Variants in USP34 observed in about 807,000 individuals in gnomAD.
USP34 encodes the protein ubiquitin specific peptidase 34, also known as ubiquitin carboxyl-terminal hydrolase 34.
Under a neutral mutation model 460.3 loss-of-function variants are expected in USP34, and 70 were observed. The ratio of observed to expected loss-of-function variants is 0.15; its 90% CI spans 0.13 to 0.19. USP34 has a LOEUF of 0.19. USP34 is among the 10% of genes least tolerant of loss of function. The pLI is 1.00. For synonymous variants in USP34, 1,647 were observed against 1,405.3 expected (o/e 1.17, Z -3.85); for missense variants, 3,985 against 4,236.2 (o/e 0.94, Z 1.65).
intron 8 of USP34, 58 bp downstream of exon 8, chr2:61,378,305 T>C (rs1692855228): frequency 9.5e-6 from 12 of 1,268,254 alleles, no homozygotes; most frequent in Non-Finnish European, 1.3e-5. Context: ...GAATTTACCA[T>C]ATAAACAACT....
intron 1 of USP34, among the ~76,000 whole-genome samples, chr2:61,421,931 T>C (rs1429711753): frequency 6.6e-6 from 1 of 152,142 alleles, no homozygotes; most frequent in Non-Finnish European, 1.5e-5. Context: ...CTGGTAATAC[T>C]GATTAACCAA....
intron 67 of USP34, among the ~76,000 whole-genome samples, chr2:61,218,135 C>T (rs1374795161): frequency 6.0e-5 from 9 of 150,950 alleles, no homozygotes; most frequent in Non-Finnish European, 1.3e-4. Flanking sequence ...TAATAGCTGG[C>T]TGAAAAACCT....
Position 61,265,470 on chromosome 2 carries a change from G to T in USP34, c.5705C>A (p.Thr1902Asn). 6.2e-7 allele frequency: 1 copy of T among 1,613,636 alleles called. No homozygotes were observed. Among genetic ancestry groups the T allele is most frequent in the Non-Finnish European group, 8.5e-7 (1 of 1,179,858 alleles). Residue 1902 changes from threonine to asparagine, a missense_variant, in exon 43 of 80, where the codon ACT becomes AAT. By Grantham distance (65) the Thr-to-Asn change is moderately conservative. This residue lies in a region of USP34 where 145 missense variants were observed against 291.6 expected (regional missense o/e 0.50). Transcript: ENST00000398571. ...CTGAATAGTAGAAGCTAAGTAACAA[G>T]TAGCTCCAAGGTTAGTAAGGCCAAC... ...RFVGLTNLGA[T>N]CYLASTIQQL...
At position 61,329,157 on chromosome 2, in the gene USP34, G is replaced by C. The variant is rs141124140; in HGVS notation, c.2930+2119C>G. On this transcript the variant is annotated intron_variant, in intron 20 of 79. Transcript: ENST00000398571. ...CTGCCTCAGCCGCCTGAGTAGCTGAGATTACAGGCATGCGCCACCACGCCT... is the reference window on the plus strand; with the variant it reads ...CTGCCTCAGCCGCCTGAGTAGCTGACATTACAGGCATGCGCCACCACGCCT... Among the ~76,000 whole-genome samples, 11 of 151,976 alleles carry C rather than the reference G, an allele frequency of 7.2e-5. No individual in the cohort carries two copies. The East Asian group carries it at 1.7e-3, about 24-fold the overall frequency.
chr2:61,244,167 T>C (rs1688357488), intron 51 of USP34, among the ~76,000 whole-genome samples: 1 of 152,178 alleles, frequency 6.6e-6, no homozygotes, highest in South Asian at 2.1e-4. Flanking sequence ...AAAAAACAAC[T>C]TTATTTGGGC....
chr2:61,426,386 C>T (rs997804149), intron 1 of USP34, among the ~76,000 whole-genome samples: 35 of 152,062 alleles, frequency 2.3e-4, no homozygotes, highest in African/African-American at 8.5e-4. Flanking sequence ...GGGTGAGTCC[C>T]AGGTAACAGA....
At chr2:61,343,618 G>T (rs1042669650) in intron 16 of USP34, among the ~76,000 whole-genome samples, 197 bp downstream of exon 16, 6 of 151,548 alleles carry the variant, frequency 4.0e-5, no homozygotes, top group African/African-American at 1.5e-4. Flanking sequence ...AGAACTGCAG[G>T]ACTTATTTAT....
chr2:61,451,220 CAAAAA>C (rs70963432), intron 1 of USP34, among the ~76,000 whole-genome samples: 55 of 50,800 alleles, frequency 1.1e-3, no homozygotes, highest in Non-Finnish European at 1.4e-3. Context: ...GGCTTCATCT[CAAAAA>C]AAAAAAAAAA....
chr2:61,210,723 T>G (rs1687251232), intron 69 of USP34, among the ~76,000 whole-genome samples: 1 of 152,166 alleles, frequency 6.6e-6, no homozygotes, highest in Non-Finnish European at 1.5e-5. Context: ...CCAAATCTTT[T>G]TTTTCTTTTT....
In USP34 at chr2:61,221,529, T is replaced by A. The variant is rs561810248; in HGVS notation, c.7872A>T (p.Ala2624=). The A allele has an allele frequency of 6.2e-7, 1 of 1,614,016 alleles. No individual in the cohort carries two copies. Among genetic ancestry groups the A allele is most frequent in the East Asian group, 2.2e-5 (1 of 44,862 alleles). Residue 2624 remains alanine, a synonymous_variant, in exon 66 of 80, where the codon GCA becomes GCT. Transcript: ENST00000398571. ...CCCATATCCTCTGCAGAATATAAGA[T>A]GCAAAGGGAGGCATTCCTGGAGGTC... is the stretch of plus-strand genomic sequence containing the variant. ...AGGPPGMPPF[A]SYILQRIWEV...
At chr2:61,375,833 C>G (rs1277738341) in intron 8 of USP34, among the ~76,000 whole-genome samples, 2 of 146,598 alleles carry the variant, frequency 1.4e-5, no homozygotes, top group South Asian at 2.2e-4. Context: ...GGTACTTGAT[C>G]AAGTGTGGTA....
intron 15 of USP34, among the ~76,000 whole-genome samples, chr2:61,345,188 C>T (rs959979971): frequency 2.0e-5 from 3 of 151,988 alleles, no homozygotes; most frequent in Admixed American, 6.6e-5. Flanking sequence ...GCAGGAGAAC[C>T]ACTTGAACCC....
intron 43 of USP34, among the ~76,000 whole-genome samples, chr2:61,264,448 AAC>A (rs146728817): frequency 0.018 from 2,697 of 152,256 alleles, 76 homozygotes; most frequent in African/African-American, 0.061. Context: ...CAGCCTGGGC[AAC>A]ACAGTGAGAC....
chr2:61,339,728 G>T, intron 16 of USP34, 47 bp from the exon 17 acceptor site: 1 of 1,031,916 alleles, frequency 9.7e-7, no homozygotes, highest in South Asian at 2.8e-5. Context: ...AAATGCAGCT[G>T]ACTGATTATA....
chr2:61,405,956 C>T lies in USP34; in HGVS notation c.304G>A (p.Glu102Lys), dbSNP rs1352333232. ...STWQDESNQA[E>K]EPLNIDRECN... The stretch of plus-strand genomic sequence containing the variant: ...TCTCTATCTATATTCAGTGGTTCTT[C>T]TGCTTGATTACTCTCATCTTGCCAC... The change falls in exon 3 of 80, where the codon GAA becomes AAA. Residue 102 changes from glutamate to lysine, a missense_variant. Physicochemically the swap from Glu to Lys is moderately conservative, Grantham distance 56. This residue lies in a region of USP34 where 331 missense variants were observed against 293.7 expected (regional missense o/e 1.13). Transcript: ENST00000398571. 1 of 1,613,446 alleles carries T rather than the reference C, an allele frequency of 6.2e-7. No homozygotes were observed. Among genetic ancestry groups the T allele is most frequent in the Non-Finnish European group, 8.5e-7 (1 of 1,179,926 alleles).
rs1250537200 is a variant in USP34 at position 61,221,610 on chromosome 2, TA to T, written c.7795-5del. 3 of 1,613,368 alleles carry T rather than the reference TA, an allele frequency of 1.9e-6. No individual in the cohort carries two copies. Among genetic ancestry groups the T allele is most frequent in the East Asian group, 4.5e-5 (2 of 44,878 alleles). On this transcript the variant is annotated splice_polypyrimidine_tract_variant and splice_region_variant and intron_variant, in intron 65 of 79. Transcript: ENST00000398571. The stretch of plus-strand genomic sequence containing the variant: ...ACTTAAAGAAAGGATTGGCTGCCTG[TA>T]AAACACATACATGACTGTGTATTTA...
chr2:61,240,310 G>C (rs1022118092), intron 53 of USP34, among the ~76,000 whole-genome samples: 160 of 151,724 alleles, frequency 1.1e-3, no homozygotes, highest in African/African-American at 3.8e-3. Context: ...TTTTTTTTGA[G>C]ACAGTATCTC....
rs1689436952 is a variant in USP34, at chr2:61,278,415, G to C, written c.5285C>G (p.Ala1762Gly). 1 of 1,600,316 alleles carries C rather than the reference G, an allele frequency of 6.2e-7. No individual in the cohort carries two copies. Among genetic ancestry groups the C allele is most frequent in the African/African-American group, 1.3e-5 (1 of 74,170 alleles). ...QTTLLDLDAL[A>G]RHLADCIRSR... ...TCGAATACAGTCAGCCAAATGTCTT[G>C]CCAAGGCATCTAAGTCGAGGAGCGT... is the stretch of plus-strand genomic sequence containing the variant. Residue 1762 changes from alanine to glycine, a missense_variant, in exon 40 of 80, where the codon GCA becomes GGA. Ala to Gly is a moderately conservative substitution (Grantham distance 60). Coordinates refer to ENST00000398571, the MANE Select transcript of USP34 (RefSeq NM_014709.4).
At chr2:61,213,247 T>C (rs1687318186) in intron 68 of USP34, among the ~76,000 whole-genome samples, 2 of 152,142 alleles carry the variant, frequency 1.3e-5, no homozygotes. Context: ...ACTGCTGGGC[T>C]CGAGTGATCC....
Sources: gnomAD v4.1 joint callset for allele counts (sites outside exome capture counted in the v4.1 genomes callset) on GRCh38, gnomAD v4.1.1 for gene constraint, gnomAD v4.1.1 regional missense constraint, MANE v1.5 for transcripts, NCBI Gene and HGNC (gene_info 2026-07-23, HGNC 2026-07-21) for gene names.